Variants in RARA observed in about 807,000 individuals in gnomAD.
RARA encodes the protein PML-DDX5-RARA fusion.
RARA carries 5 observed loss-of-function variants against 42.8 expected under a neutral mutation model. The ratio of observed to expected loss-of-function variants is 0.12; its 90% confidence interval spans 0.06 to 0.25. RARA has a LOEUF of 0.25. RARA is among the 10% of genes least tolerant of loss of function. RARA has a pLI of 1.00. For synonymous variants in RARA, 256 were observed against 259.5 expected (o/e 0.99, Z 0.13); for missense variants, 402 against 628.7 (o/e 0.64, Z 3.86).
chr17:40,349,585 G>A, intron 3 of RARA, 199 bp from the exon 4 acceptor site: 1 of 609,232 alleles, frequency 1.6e-6, no homozygotes, highest in Non-Finnish European at 2.8e-6. Flanking sequence ...CAGTGTTGAG[G>A]CAGGTACTGG....
intron 2 of RARA, chr17:40,347,972 C>G (rs536574160): frequency 1.7e-4 from 36 of 211,758 alleles, no homozygotes; most frequent in Non-Finnish European, 2.4e-4. Context: ...AGAACGGGGC[C>G]AGGCCGCCCA....
At chr17:40,327,217 G>T (rs1013930861) in intron 1 of RARA, among the ~76,000 whole-genome samples, 1 of 152,186 alleles carries the variant, frequency 6.6e-6, no homozygotes, top group South Asian at 2.1e-4. Flanking sequence ...CTGGGAGCAA[G>T]GGTGGGTTCC....
chr17:40,325,644 C>T (rs2033524760), intron 1 of RARA, among the ~76,000 whole-genome samples: 1 of 152,230 alleles, frequency 6.6e-6, no homozygotes. Flanking sequence ...TTTGTTTCTG[C>T]CAGGGCTAGA....
intron 1 of RARA, among the ~76,000 whole-genome samples, chr17:40,317,644 A>C (rs1344797628): frequency 6.6e-6 from 1 of 151,480 alleles, no homozygotes; most frequent in Non-Finnish European, 1.5e-5. Flanking sequence ...CTGGAGCTGC[A>C]GAGGTGTTTG....
chr17:40,334,125 G>A (rs2033779194), intron 2 of RARA, among the ~76,000 whole-genome samples: 1 of 152,232 alleles, frequency 6.6e-6, no homozygotes, highest in African/African-American at 2.4e-5. Flanking sequence ...GCCAGAGGGA[G>A]CAAATGCTTT....
At chr17:40,317,400 T>TG (rs1263546012) in intron 1 of RARA, among the ~76,000 whole-genome samples, 1 of 152,054 alleles carries the variant, frequency 6.6e-6, no homozygotes, top group East Asian at 1.9e-4. Flanking sequence ...TATTGGGGAC[T>TG]GGGGGTCTCT....
Position 40,352,711 on chromosome 17 carries a change from C to G in RARA, c.807+204C>G, listed in dbSNP as rs1254072722. Among the ~76,000 whole-genome samples the G allele has an allele frequency of 6.6e-6, 1 of 152,172 alleles. No homozygotes were observed. Among genetic ancestry groups the G allele is most frequent in the Non-Finnish European group, 1.5e-5 (1 of 68,030 alleles). The stretch of plus-strand genomic sequence containing the variant: ...CTCAGCCACCTAGCAGCCAGATGTG[C>G]AGGAGCTCACCTGTTCACCCATACA... On this transcript the variant is annotated intron_variant, in intron 6 of 8. Coordinates refer to ENST00000254066, the MANE Select transcript of RARA (RefSeq NM_000964.4). This position sits in a 1 kb window ranked among gnomAD's most constrained non-coding sequence, Gnocchi z 4.9.
rs930179026 is a variant in RARA at position 40,354,523 on chromosome 17, G to A, written c.1012+17G>A. 6.2e-7 allele frequency: 1 copy of A among 1,611,474 alleles called. No homozygotes were observed. The highest frequency in any genetic ancestry group is 1.3e-5 in the African/African-American group (1 of 74,900). On this transcript the variant is annotated intron_variant, in intron 7 of 8. Coordinates refer to ENST00000254066, the MANE Select transcript of RARA (RefSeq NM_000964.4). This position sits in a 1 kb window ranked among gnomAD's most constrained non-coding sequence, Gnocchi z 4.5. ...TCTGCGGAGGTGGGCAGGGGGCCTG[G>A]GTCTGGGGGCTGGGCTGGGACGGGG...
At chr17:40,341,696 C>G (rs927179590) in intron 2 of RARA, 72 of 1,330,706 alleles carry the variant, frequency 5.4e-5, no homozygotes, top group Non-Finnish European at 5.5e-5. Context: ...CAAATGAGGC[C>G]CGGCCTGGGT....
chr17:40,332,776 C>A (rs1030089949), intron 2 of RARA, among the ~76,000 whole-genome samples: 2 of 152,232 alleles, frequency 1.3e-5, no homozygotes, highest in Non-Finnish European at 1.5e-5. Context: ...CCTTATCAAA[C>A]CTTCATCTTC....
At chr17:40,353,984 T>C (rs1363569412) in intron 6 of RARA, among the ~76,000 whole-genome samples, 1 of 152,240 alleles carries the variant, frequency 6.6e-6, no homozygotes, top group Non-Finnish European at 1.5e-5. Flanking sequence ...CAGGATGACC[T>C]GGACCTGCAC....
At chr17:40,328,510 TACC>T (rs1818655382) in intron 1 of RARA, among the ~76,000 whole-genome samples, 2 of 152,202 alleles carry the variant, frequency 1.3e-5, no homozygotes, top group South Asian at 4.1e-4. Flanking sequence ...GTTGTGCAAC[TACC>T]ACCACAATCA....
intron 2 of RARA, among the ~76,000 whole-genome samples, chr17:40,333,794 A>G (rs930418830): frequency 6.6e-6 from 1 of 152,022 alleles, no homozygotes; most frequent in Non-Finnish European, 1.5e-5. Context: ...GTGCCACCAC[A>G]CCAGGCTGAT....
In RARA at chr17:40,355,160, G is replaced by A; in HGVS notation, c.1013-103G>A. The A allele has an allele frequency of 1.4e-6, 2 of 1,398,902 alleles. No homozygotes were observed. The highest frequency in any genetic ancestry group is 1.4e-5 in the South Asian group (1 of 69,834). The allele number at this position is 1,398,902 out of a possible 1,614,324, so 86.7% of individuals were successfully genotyped here. A position where few individuals can be genotyped will look rare whatever the true frequency, so the allele number is the denominator to read the frequency against. Reference sequence around the variant, plus strand: ...CTGCCCTGTGTGGGGAGGCGCCTGCGAGCTGCCCTCCTCCATGGCCTGGGC... The same window carrying A: ...CTGCCCTGTGTGGGGAGGCGCCTGCAAGCTGCCCTCCTCCATGGCCTGGGC... On this transcript the variant is annotated intron_variant, in intron 7 of 8. Transcript: ENST00000254066. The surrounding 1 kb of genome is among the most constrained non-coding windows in gnomAD (Gnocchi z 4.1).
intron 1 of RARA, 99 bp downstream of exon 1, chr17:40,309,385 C>T (rs2033053222): frequency 6.5e-6 from 1 of 152,760 alleles, no homozygotes; most frequent in Non-Finnish European, 1.5e-5. Flanking sequence ...CTGGCTTTCC[C>T]CATCCCTCCT....
intron 1 of RARA, among the ~76,000 whole-genome samples, chr17:40,310,720 T>G (rs2033079833): frequency 6.6e-6 from 1 of 152,138 alleles, no homozygotes; most frequent in Admixed American, 6.5e-5. Context: ...GGTCTTCCCC[T>G]TTGCTAAGCC....
In RARA at chr17:40,341,558, GGGGCTGGCGGGCGAGCCCCGCGGGC is replaced by G. The variant is rs745456261; in HGVS notation, c.179-6748_179-6724del. 1.3e-4 allele frequency: 175 copies of G among 1,381,426 alleles called. 2 individuals are homozygous for G. The highest frequency in any genetic ancestry group is 4.2e-5 in the Non-Finnish European group (45 of 1,066,736). The allele number at this position is 1,381,426 out of a possible 1,614,324, so 85.6% of individuals were successfully genotyped here. A position where few individuals can be genotyped will look rare whatever the true frequency, so the allele number is the denominator to read the frequency against. On this transcript the variant is annotated intron_variant, in intron 2 of 8. Coordinates refer to ENST00000254066, the MANE Select transcript of RARA (RefSeq NM_000964.4). ...GAGGTGGCCCGGTTCGGCCGGGCAG[GGGGCTGGCGGGCGAGCCCCGCGGGC>G]GGGCTGGCGAGCGGGTGATGTCACG... is the stretch of plus-strand genomic sequence containing the variant.
chr17:40,346,076 C>G (rs957801181), intron 2 of RARA, among the ~76,000 whole-genome samples: 4 of 152,190 alleles, frequency 2.6e-5, no homozygotes, highest in African/African-American at 7.2e-5. Context: ...CCTTGCCCAG[C>G]CTAAACTGTA....
intron 3 of RARA, chr17:40,349,452 G>A: frequency 3.8e-6 from 1 of 265,068 alleles, no homozygotes; most frequent in South Asian, 5.6e-5. Flanking sequence ...CAGATCCCTG[G>A]CTGTTGCCCA....
Sources: allele counts gnomAD v4.1 joint callset (sites outside exome capture counted in the v4.1 genomes callset), GRCh38; gene constraint gnomAD v4.1.1; non-coding constraint Gnocchi (gnomAD v3.1); transcripts MANE v1.5; gene names NCBI Gene and HGNC (gene_info 2026-07-23, HGNC 2026-07-21).